RMDN1: variants seen among roughly 807,000 people sequenced by gnomAD.
RMDN1 encodes the protein regulator of microtubule dynamics protein 1.
RMDN1 carries 48 observed loss-of-function variants against 48.9 expected under a neutral mutation model. The observed-to-expected ratio is 0.98, with a 90% CI of 0.78 to 1.25. The LOEUF (loss-of-function observed/expected upper bound fraction) is 1.25, where lower values mean the gene tolerates loss of function less well. RMDN1 is among the 50% of genes most tolerant of loss of function. RMDN1 has a pLI of 0.00. For synonymous variants in RMDN1, 148 were observed against 132.6 expected (o/e 1.12, Z -0.80); for missense variants, 418 against 373.4 (o/e 1.12, Z -0.98).
At chr8:86,503,372 A>AAAAAAAAAAAAAAAAAC (rs1818649171) in intron 2 of RMDN1, among the ~76,000 whole-genome samples, 1 of 72,530 alleles carries the variant, frequency 1.4e-5, no homozygotes, top group Non-Finnish European at 2.4e-5. Flanking sequence ...AAAACAAAAC[A>AAAAAAAAAAAAAAAAAC]AAAAAAAAAA....
downstream of RMDN1, chr8:86,468,551 G>A (rs1326830113): frequency 2.4e-6 from 1 of 422,664 alleles, no homozygotes; most frequent in Non-Finnish European, 4.7e-6. Context: ...TACCACTGCT[G>A]TATAAATTTT....
chr8:86,498,057 T>C (rs575223483), intron 2 of RMDN1, among the ~76,000 whole-genome samples: 4 of 152,134 alleles, frequency 2.6e-5, no homozygotes, highest in African/African-American at 7.2e-5. Context: ...GATCGTGCCA[T>C]TGCACTCCAG....
upstream of RMDN1, among the ~76,000 whole-genome samples, chr8:86,512,457 T>C (rs1820093607): frequency 6.6e-6 from 1 of 152,252 alleles, no homozygotes; most frequent in Non-Finnish European, 1.5e-5. Context: ...ACCATTCCTG[T>C]GCCCCAGATA....
In RMDN1 at chr8:86,491,586, A is replaced by G. The variant is rs73688860; in HGVS notation, c.248-2947T>C. ...TTTACAACTAAGTTACATTACTAAC[A>G]TAGAGACCATATTCTATAAAACAGA... On this transcript the variant is annotated intron_variant, in intron 2 of 9. Transcript: ENST00000406452. Among the ~76,000 whole-genome samples, 208 of 152,336 alleles carry G rather than the reference A, an allele frequency of 1.4e-3. 1 individual carries two copies. The highest frequency in any genetic ancestry group is 4.8e-3 in the African/African-American group (201 of 41,576).
chr8:86,494,615 T>A (rs1399710343), intron 2 of RMDN1, among the ~76,000 whole-genome samples: 1 of 151,940 alleles, frequency 6.6e-6, no homozygotes, highest in African/African-American at 2.4e-5. Context: ...TCCCTCACCC[T>A]CCCCTACTGC....
chr8:86,489,172 C>T (rs748191100), intron 2 of RMDN1, among the ~76,000 whole-genome samples: 1 of 152,310 alleles, frequency 6.6e-6, no homozygotes, highest in South Asian at 2.1e-4. Context: ...CCAAACCACA[C>T]TGTTTTAATA....
rs556955113 is a variant in RMDN1, at chr8:86,485,350, G to A, written c.496-389C>T. 5.9e-5 allele frequency among the ~76,000 whole-genome samples: 9 copies of A among 152,226 alleles called. No individual in the cohort carries two copies. The East Asian group carries it at 1.2e-3, about 20-fold the overall frequency. On this transcript the variant is annotated intron_variant, in intron 4 of 9. Coordinates refer to ENST00000406452, the MANE Select transcript of RMDN1 (RefSeq NM_016033.3). Reference sequence around the variant, plus strand: ...TGAGGCAGAAGAATCACTTGAACCCGGGAGATGGAGGTTGCAGTGAGCCAA... The same window carrying A: ...TGAGGCAGAAGAATCACTTGAACCCAGGAGATGGAGGTTGCAGTGAGCCAA...
intron 5 of RMDN1, 188 bp downstream of exon 5, chr8:86,484,684 C>A: frequency 2.4e-6 from 1 of 412,854 alleles, no homozygotes; most frequent in Non-Finnish European, 4.3e-6. Context: ...CACCATTGCA[C>A]TCTAGCCCGG....
Position 86,474,205 on chromosome 8 carries a change from C to T in RMDN1, c.*103G>A. 2 of 1,529,184 alleles carry T rather than the reference C, an allele frequency of 1.3e-6. No homozygotes were observed. The highest frequency in any genetic ancestry group is 8.8e-7 in the Non-Finnish European group (1 of 1,142,268). The allele number at this position is 1,529,184 out of a possible 1,614,324, so 94.7% of individuals were successfully genotyped here. A position where few individuals can be genotyped will look rare whatever the true frequency, so the allele number is the denominator to read the frequency against. ...TATTTACACGGTTAAATGGTCACAA[C>T]ATTTAAAAAGCCGTAGAACAGTTAT... On this transcript the variant is annotated 3_prime_UTR_variant, in exon 10 of 10. Transcript: ENST00000406452.
intron 2 of RMDN1, among the ~76,000 whole-genome samples, chr8:86,490,626 A>C (rs7820697): frequency 0.56 from 84,552 of 151,984 alleles, 23,827 homozygotes; most frequent in Admixed American, 0.64. Context: ...TACAGAACTA[A>C]AGAACCCTAA....
At chr8:86,496,703 A>G (rs1374258292) in intron 2 of RMDN1, among the ~76,000 whole-genome samples, 2 of 152,206 alleles carry the variant, frequency 1.3e-5, no homozygotes. Context: ...GAGAGACTTC[A>G]ACACTCCATT....
At chr8:86,470,467 C>CA, downstream of RMDN1, 1 of 1,213,110 alleles carries the variant, frequency 8.2e-7, no homozygotes, top group South Asian at 1.5e-5. Context: ...GGGAAGGCAC[C>CA]ATGTCTTGCA....
At chr8:86,489,616 C>T (rs544621081) in intron 2 of RMDN1, among the ~76,000 whole-genome samples, 2 of 151,852 alleles carry the variant, frequency 1.3e-5, no homozygotes, top group South Asian at 4.2e-4. Flanking sequence ...AGGACCACCA[C>T]GTCAGGAGAT....
intron 2 of RMDN1, among the ~76,000 whole-genome samples, chr8:86,491,770 A>G (rs1393714878): frequency 1.3e-5 from 2 of 152,204 alleles, no homozygotes; most frequent in Non-Finnish European, 2.9e-5. Context: ...AGAAATGCCA[A>G]TGATGTGACC....
At chr8:86,477,553 T>G in intron 7 of RMDN1, 1 of 395,582 alleles carries the variant, frequency 2.5e-6, no homozygotes. Context: ...ACTTGGTTGC[T>G]GTTTAGAACT....
At chr8:86,482,557 G>A in intron 5 of RMDN1, 1 of 734,942 alleles carries the variant, frequency 1.4e-6, no homozygotes, top group Non-Finnish European at 2.5e-6. Flanking sequence ...CTTCTTGCCT[G>A]TCAAATTCAC....
chr8:86,495,785 A>G (rs919719798), intron 2 of RMDN1, among the ~76,000 whole-genome samples: 1 of 152,182 alleles, frequency 6.6e-6, no homozygotes, highest in Non-Finnish European at 1.5e-5. Flanking sequence ...ACAACATGCA[A>G]ACTTAGGAAA....
At chr8:86,484,395 G>A (rs1393999209) in intron 5 of RMDN1, among the ~76,000 whole-genome samples, 11 of 152,144 alleles carry the variant, frequency 7.2e-5, no homozygotes, top group African/African-American at 2.2e-4. Context: ...GTGCCACTGC[G>A]CTCAGTTAAC....
chr8:86,507,958 T>C (rs1207695242), intron 1 of RMDN1, among the ~76,000 whole-genome samples: 3 of 152,188 alleles, frequency 2.0e-5, no homozygotes, highest in Non-Finnish European at 4.4e-5. Context: ...CCACGAGCAG[T>C]CTAATAGAAA....
Sources: allele counts gnomAD v4.1 joint callset (sites outside exome capture counted in the v4.1 genomes callset), GRCh38; gene constraint gnomAD v4.1.1; transcripts MANE v1.5; gene names NCBI Gene and HGNC (gene_info 2026-07-23, HGNC 2026-07-21).